The following FAR2 variants were observed in gnomAD, a reference collection of about 807,000 sequenced individuals.
FAR2 encodes the protein epididymis secretory protein Li 81.
Under a neutral mutation model 56.0 loss-of-function variants are expected in FAR2, and 19 were observed. The observed-to-expected ratio is 0.34, with a 90% CI of 0.24 to 0.50. The LOEUF (loss-of-function observed/expected upper bound fraction) is 0.50. Ranked by LOEUF, FAR2 falls within the 20% of genes least tolerant of loss-of-function variation. FAR2 has a pLI of 0.98. For synonymous variants in FAR2, 219 were observed against 218.8 expected, an observed-to-expected ratio of 1.00 and a Z score of -0.01; for missense variants, 508 against 642.2, an observed-to-expected ratio of 0.79 and a Z score of 2.26.
At chr12:29,202,869 T>G (rs1367912135) in intron 1 of FAR2, among the ~76,000 whole-genome samples, 1 of 152,182 alleles carries the variant, frequency 6.6e-6, no homozygotes, top group Non-Finnish European at 1.5e-5. Flanking sequence ...CAAATAAACC[T>G]CTTTTCTTTG....
intron 1 of FAR2, among the ~76,000 whole-genome samples, chr12:29,216,705 T>C (rs1947625731): frequency 6.6e-6 from 1 of 152,246 alleles, no homozygotes; most frequent in Non-Finnish European, 1.5e-5. Flanking sequence ...TTTTTCTTTC[T>C]GACAGCCCAG....
chr12:29,235,096 T>C (rs1435432490), intron 1 of FAR2, among the ~76,000 whole-genome samples: 1 of 152,216 alleles, frequency 6.6e-6, no homozygotes, highest in Non-Finnish European at 1.5e-5. Flanking sequence ...GCAACCGTTA[T>C]TTCCATTTTA....
At chr12:29,293,553 A>T in intron 3 of FAR2, 78 bp downstream of exon 3, 1 of 1,277,636 alleles carries the variant, frequency 7.8e-7, no homozygotes, top group Non-Finnish European at 1.0e-6. Flanking sequence ...GTAAAAAAAA[A>T]GAAATACACT....
At chr12:29,269,160 G>A (rs1441031451) in intron 1 of FAR2, among the ~76,000 whole-genome samples, 2 of 152,108 alleles carry the variant, frequency 1.3e-5, no homozygotes, top group South Asian at 2.1e-4. Context: ...GGAGACTGGG[G>A]TCTATTTCAC....
chr12:29,274,671 C>T (rs939863991), intron 2 of FAR2, among the ~76,000 whole-genome samples: 1 of 151,960 alleles, frequency 6.6e-6, no homozygotes, highest in Non-Finnish European at 1.5e-5. Context: ...GTGAAAATGG[C>T]CTGTTCCTGC....
intron 2 of FAR2, among the ~76,000 whole-genome samples, chr12:29,273,303 G>A (rs576408909): frequency 7.2e-5 from 11 of 152,286 alleles, no homozygotes; most frequent in Non-Finnish European, 1.5e-4. Context: ...TCAGGACCAG[G>A]GAGATCAGAA....
intron 8 of FAR2, among the ~76,000 whole-genome samples, chr12:29,313,218 C>G (rs1042736599): frequency 6.6e-6 from 1 of 152,118 alleles, no homozygotes; most frequent in East Asian, 1.9e-4. Flanking sequence ...GAGTGACAGA[C>G]AGCTGGGTCG....
intron 1 of FAR2, among the ~76,000 whole-genome samples, chr12:29,179,775 C>G (rs1828537666): frequency 6.6e-6 from 1 of 152,178 alleles, no homozygotes; most frequent in Non-Finnish European, 1.5e-5. Flanking sequence ...GTGTCTGAAT[C>G]AAGTAATCAG....
At chr12:29,268,864 C>T (rs1238528926) in intron 1 of FAR2, among the ~76,000 whole-genome samples, 2 of 152,054 alleles carry the variant, frequency 1.3e-5, no homozygotes, top group African/African-American at 4.8e-5. Flanking sequence ...GCCGCAAAAA[C>T]CAGCAAGTTT....
intron 1 of FAR2, among the ~76,000 whole-genome samples, chr12:29,216,753 T>C (rs903444526): frequency 2.0e-5 from 3 of 152,242 alleles, no homozygotes; most frequent in African/African-American, 4.8e-5. Flanking sequence ...GGCATTTCAA[T>C]ATTTTAGACT....
chr12:29,290,576 C>A lies in FAR2; in HGVS notation c.190-2724C>A, dbSNP rs187883369. Among the ~76,000 whole-genome samples the A allele has an allele frequency of 4.4e-3, 672 of 152,272 alleles. 1 individual carries two copies. The highest frequency in any genetic ancestry group is 6.3e-3 in the Non-Finnish European group (427 of 68,026). ...CATATTTGTTGCAGTACTGCTCACA[C>A]TAGCTAAGATTTGGAAGCCACCTAA... On this transcript the variant is annotated intron_variant, in intron 2 of 11. Coordinates refer to ENST00000536681, the MANE Select transcript of FAR2 (RefSeq NM_001271783.2).
At chr12:29,316,633 T>A (rs1458129993) in intron 8 of FAR2, among the ~76,000 whole-genome samples, 3 of 152,166 alleles carry the variant, frequency 2.0e-5, no homozygotes, top group Non-Finnish European at 4.4e-5. Flanking sequence ...AACTAAAGAA[T>A]CCAATTATTA....
intron 2 of FAR2, among the ~76,000 whole-genome samples, chr12:29,273,823 A>G (rs1329741017): frequency 6.6e-6 from 1 of 152,160 alleles, no homozygotes; most frequent in Non-Finnish European, 1.5e-5. Context: ...GCACTGTTCC[A>G]TGGAAAAAGC....
intron 2 of FAR2, among the ~76,000 whole-genome samples, chr12:29,274,742 C>A (rs1451665761): frequency 6.6e-6 from 1 of 151,510 alleles, no homozygotes; most frequent in Non-Finnish European, 1.5e-5. Flanking sequence ...CTCAAAATCT[C>A]CGCCACTGAG....
chr12:29,303,052 G>A (rs1565514345), intron 4 of FAR2, among the ~76,000 whole-genome samples: 2 of 152,156 alleles, frequency 1.3e-5, no homozygotes. Context: ...ACTCCATGAA[G>A]CAATGCGTTT....
chr12:29,204,297 G>A (rs1417835855), intron 1 of FAR2, among the ~76,000 whole-genome samples: 2 of 151,866 alleles, frequency 1.3e-5, no homozygotes, highest in Admixed American at 6.6e-5. Flanking sequence ...GTGAAGACAC[G>A]GCCCCTGTCT....
intron 4 of FAR2, among the ~76,000 whole-genome samples, chr12:29,299,213 C>CAGAAAAAAAAAAA (rs1565512259): frequency 9.7e-6 from 1 of 103,572 alleles, no homozygotes; most frequent in Non-Finnish European, 1.9e-5. Flanking sequence ...AACTTTGTCT[C>CAGAAAAAAAAAAA]AAAAAAAAAA....
At chr12:29,263,886 A>C (rs931017620) in intron 1 of FAR2, among the ~76,000 whole-genome samples, 1 of 152,064 alleles carries the variant, frequency 6.6e-6, no homozygotes, top group African/African-American at 2.4e-5. Context: ...CATCTAAAGA[A>C]GAACAAATAC....
chr12:29,160,450 TCACCTTCACTTC>T (rs1309690371), intron 1 of FAR2, among the ~76,000 whole-genome samples: 1 of 152,198 alleles, frequency 6.6e-6, no homozygotes, highest in Non-Finnish European at 1.5e-5. Flanking sequence ...ACCCTTGATA[TCACCTTCACTTC>T]CTGCTATATG....
Sources: allele counts gnomAD v4.1 joint callset (sites outside exome capture counted in the v4.1 genomes callset), GRCh38; gene constraint gnomAD v4.1.1; transcripts MANE v1.5; gene names NCBI Gene and HGNC (gene_info 2026-07-23, HGNC 2026-07-21).